The following NUMB variants were observed in gnomAD, a reference collection of about 807,000 sequenced individuals.
NUMB encodes the protein NUMB endocytic adaptor protein.
Under a neutral mutation model 59.7 loss-of-function variants are expected in NUMB, and 29 were observed. The ratio of observed to expected loss-of-function variants is 0.49; its 90% CI spans 0.36 to 0.66. The LOEUF (loss-of-function observed/expected upper bound fraction) is 0.66. Ranked by LOEUF, NUMB falls within the 30% of genes least tolerant of loss-of-function variation. The probability of loss-of-function intolerance (pLI) is 0.00; values close to 1 mark genes in which losing one functional copy is unlikely to be tolerated. For missense variants in NUMB, 723 were observed against 822.0 expected, an observed-to-expected ratio of 0.88 and a Z score of 1.47; for synonymous variants, 288 against 288.2, an observed-to-expected ratio of 1.00 and a Z score of 0.01.
At chr14:73,373,458 T>C (rs1008662941) in intron 2 of NUMB, among the ~76,000 whole-genome samples, 3 of 152,222 alleles carry the variant, frequency 2.0e-5, no homozygotes, top group African/African-American at 4.8e-5. Context: ...TGAGTGTCTA[T>C]GCTTGCCAGG....
At chr14:73,381,124 C>T (rs1444243391) in intron 2 of NUMB, among the ~76,000 whole-genome samples, 1 of 152,102 alleles carries the variant, frequency 6.6e-6, no homozygotes, top group African/African-American at 2.4e-5. Context: ...TCCAAAGAAA[C>T]ACAGTTAATA....
intron 5 of NUMB, among the ~76,000 whole-genome samples, chr14:73,318,686 T>C (rs1891216190): frequency 6.6e-6 from 1 of 152,226 alleles, no homozygotes; most frequent in Non-Finnish European, 1.5e-5. Flanking sequence ...TCATTTATCC[T>C]ATAGAAGCTA....
intron 2 of NUMB, among the ~76,000 whole-genome samples, chr14:73,372,305 T>TTATATATA (rs3028704): frequency 0.065 from 5,563 of 85,682 alleles, 346 homozygotes; most frequent in East Asian, 0.096. Context: ...TATATTTCTT[T>TTATATATA]TATATATATA....
At chr14:73,416,278 G>C (rs1897123472) in intron 1 of NUMB, among the ~76,000 whole-genome samples, 1 of 150,560 alleles carries the variant, frequency 6.6e-6, no homozygotes, top group Non-Finnish European at 1.5e-5. Flanking sequence ...ATGCTTAAGG[G>C]AAAAAATTAT....
At chr14:73,363,561 A>G (rs1283416686) in intron 3 of NUMB, among the ~76,000 whole-genome samples, 1 of 152,202 alleles carries the variant, frequency 6.6e-6, no homozygotes, top group Admixed American at 6.6e-5. Flanking sequence ...CTAACTCATT[A>G]TTTGAGGCTG....
At chr14:73,416,962 G>A (rs1897151324) in intron 1 of NUMB, among the ~76,000 whole-genome samples, 1 of 151,518 alleles carries the variant, frequency 6.6e-6, no homozygotes, top group African/African-American at 2.4e-5. Flanking sequence ...ACAAGCAGAA[G>A]AGCAGAACAG....
At chr14:73,284,977 A>G (rs1888886227) in intron 9 of NUMB, 1 of 152,186 alleles carries the variant, frequency 6.6e-6, no homozygotes, top group African/African-American at 2.4e-5. Context: ...ACTCCCAAGT[A>G]GCTGGGATTA....
intron 1 of NUMB, among the ~76,000 whole-genome samples, chr14:73,410,860 T>C (rs748576218): frequency 3.3e-5 from 5 of 152,224 alleles, no homozygotes; most frequent in Non-Finnish European, 5.9e-5. Flanking sequence ...TATGTAAAGG[T>C]AGTCTACTTG....
intron 1 of NUMB, among the ~76,000 whole-genome samples, chr14:73,415,494 C>T (rs912532986): frequency 4.6e-5 from 6 of 130,908 alleles, no homozygotes; most frequent in Non-Finnish European, 9.3e-5. Flanking sequence ...TGTCTTGCAA[C>T]TATTTTTTCT....
chr14:73,429,219 A>C (rs1263475191), intron 1 of NUMB, among the ~76,000 whole-genome samples: 3 of 151,988 alleles, frequency 2.0e-5, no homozygotes, highest in Non-Finnish European at 1.5e-5. Flanking sequence ...AAAATACAAA[A>C]AAATTAGCCG....
At chr14:73,434,265 CTA>C in intron 1 of NUMB, among the ~76,000 whole-genome samples, 1 of 152,144 alleles carries the variant, frequency 6.6e-6, no homozygotes, top group East Asian at 1.9e-4. Context: ...ACCACTTACT[CTA>C]TGATATTGGG....
In NUMB at chr14:73,290,564, C is replaced by A. The variant is rs1889322165; in HGVS notation, c.450+2170G>T. Among the ~76,000 whole-genome samples the A allele has an allele frequency of 2.0e-5, 3 of 152,318 alleles. No homozygotes were observed. The South Asian group carries it at 6.2e-4, about 32-fold the overall frequency. ...TCAAAGATCTTTAAACAATTTTGGT[C>A]AATTTTTAGACCATGGCCACTACTT... On this transcript the variant is annotated intron_variant, in intron 8 of 12. Coordinates refer to ENST00000555238, the MANE Select transcript of NUMB (RefSeq NM_001005743.2).
At chr14:73,434,816 C>A (rs182522208) in intron 1 of NUMB, among the ~76,000 whole-genome samples, 1 of 152,142 alleles carries the variant, frequency 6.6e-6, no homozygotes, top group African/African-American at 2.4e-5. Context: ...CCAATATTAA[C>A]CAATAGCAAA....
chr14:73,391,207 CCATCGTGCATAAA>C (rs1895836233), intron 2 of NUMB, among the ~76,000 whole-genome samples: 1 of 151,794 alleles, frequency 6.6e-6, no homozygotes, highest in Non-Finnish European at 1.5e-5. Context: ...AGGAATTAAA[CCATCGTGCATAAA>C]CATATTTGGT....
chr14:73,382,652 C>G (rs8015806), intron 2 of NUMB, among the ~76,000 whole-genome samples: 8,857 of 152,160 alleles, frequency 0.058, 718 homozygotes, highest in African/African-American at 0.19. Context: ...GTCCATATTA[C>G]AACAATGTCA....
At chr14:73,318,212 G>T (rs1440787176) in intron 5 of NUMB, among the ~76,000 whole-genome samples, 3 of 152,106 alleles carry the variant, frequency 2.0e-5, no homozygotes, top group African/African-American at 7.2e-5. Context: ...GAAGGAGATT[G>T]TTAATATTTA....
chr14:73,360,915 G>A (rs902824441), intron 3 of NUMB, among the ~76,000 whole-genome samples: 3 of 151,462 alleles, frequency 2.0e-5, no homozygotes, highest in African/African-American at 7.3e-5. Context: ...TTGGAGACAG[G>A]GTATCACTCT....
At chr14:73,401,849 G>A (rs779261105) in intron 2 of NUMB, among the ~76,000 whole-genome samples, 10 of 151,832 alleles carry the variant, frequency 6.6e-5, no homozygotes, top group African/African-American at 1.7e-4. Context: ...GATTACAGGC[G>A]TGAGCCACCA....
chr14:73,417,799 T>C (rs540915029), intron 1 of NUMB, among the ~76,000 whole-genome samples: 2 of 152,222 alleles, frequency 1.3e-5, no homozygotes, highest in East Asian at 3.9e-4. Context: ...CACCGATGGA[T>C]GAATGGCTAA....
Sources: gnomAD v4.1 joint callset for allele counts (sites outside exome capture counted in the v4.1 genomes callset) on GRCh38, gnomAD v4.1.1 for gene constraint, MANE v1.5 for transcripts, NCBI Gene and HGNC (gene_info 2026-07-23, HGNC 2026-07-21) for gene names.